Variants in CACNA2D1 observed in about 807,000 individuals in gnomAD.
The protein encoded by CACNA2D1 is calcium voltage-gated channel auxiliary subunit alpha2delta 1, also known as voltage-dependent calcium channel subunit alpha-2/delta-1.
Under a neutral mutation model 171.5 loss-of-function variants are expected in CACNA2D1, and 53 were observed. The ratio of observed to expected loss-of-function variants is 0.31; its 90% confidence interval spans 0.25 to 0.39. The LOEUF (loss-of-function observed/expected upper bound fraction) is 0.39, where lower values mean the gene tolerates loss of function less well. CACNA2D1 is among the 10% of genes least tolerant of loss of function. The pLI is 1.00. For missense variants in CACNA2D1, 903 were observed against 1,299.8 expected (o/e 0.69, Z 4.69); for synonymous variants, 442 against 443.1 (o/e 1.00, Z 0.03).
At chr7:82,197,252 T>C (rs2129198162) in intron 3 of CACNA2D1, among the ~76,000 whole-genome samples, 2 of 152,008 alleles carry the variant, frequency 1.3e-5, no homozygotes, top group African/African-American at 4.8e-5. Flanking sequence ...AAACCTAAGG[T>C]TTAAGGAAAA....
intron 3 of CACNA2D1, among the ~76,000 whole-genome samples, chr7:82,223,661 G>A (rs1802027712): frequency 6.6e-6 from 1 of 152,064 alleles, no homozygotes; most frequent in South Asian, 2.1e-4. Flanking sequence ...ATACTATCAG[G>A]CCTTTTGTGT....
chr7:82,285,530 C>T (rs1228679535), intron 3 of CACNA2D1, among the ~76,000 whole-genome samples: 5 of 151,988 alleles, frequency 3.3e-5, no homozygotes, highest in African/African-American at 1.2e-4. Context: ...AAATGCTGAG[C>T]AGGGGGTGAT....
intron 1 of CACNA2D1, among the ~76,000 whole-genome samples, chr7:82,442,084 T>C (rs755407752): frequency 2.6e-5 from 4 of 152,182 alleles, no homozygotes; most frequent in Non-Finnish European, 5.9e-5. Context: ...TTACTGTAAC[T>C]CAATGACAAC....
chr7:82,128,577 G>A (rs944554181), intron 5 of CACNA2D1, among the ~76,000 whole-genome samples: 3 of 152,066 alleles, frequency 2.0e-5, no homozygotes, highest in African/African-American at 7.2e-5. Context: ...TACCTTGGAG[G>A]CCATGCATCA....
rs71093357 is a variant in CACNA2D1, at chr7:82,055,930, G to GTGTATATATATA, written c.879+4497_879+4498insTATATATATACA. On this transcript the variant is annotated intron_variant, in intron 10 of 38. Coordinates refer to ENST00000356860, the MANE Select transcript of CACNA2D1 (RefSeq NM_000722.4). Reference sequence around the variant, plus strand: ...AAGTATAATAAATATGTGTGTGTGTGTATATATATATATATATAATTTTTT... The same window carrying GTGTATATATATA: ...AAGTATAATAAATATGTGTGTGTGTGTGTATATATATATATATATATATATATATAATTTTTT... 3.4e-3 allele frequency among the ~76,000 whole-genome samples: 378 copies of GTGTATATATATA among 111,440 alleles called. 4 individuals are homozygous for GTGTATATATATA. Among genetic ancestry groups the GTGTATATATATA allele is most frequent in the African/African-American group, 0.013 (364 of 28,058 alleles). The allele number at this position is 111,440 out of a possible 152,430, so 73.1% of individuals were successfully genotyped here. A position where few individuals can be genotyped will look rare whatever the true frequency, so the allele number is the denominator to read the frequency against.
chr7:82,274,551 C>A (rs1289647914), intron 3 of CACNA2D1, among the ~76,000 whole-genome samples: 1 of 152,136 alleles, frequency 6.6e-6, no homozygotes, highest in Non-Finnish European at 1.5e-5. Flanking sequence ...GTTATAGACA[C>A]CGCACACTCT....
chr7:82,085,864 T>C (rs796602063), intron 6 of CACNA2D1, among the ~76,000 whole-genome samples: 5 of 152,284 alleles, frequency 3.3e-5, no homozygotes, highest in African/African-American at 1.2e-4. Flanking sequence ...TAATATGGGT[T>C]AAGTGTAAGA....
intron 7 of CACNA2D1, among the ~76,000 whole-genome samples, chr7:82,077,879 G>T (rs538675581): frequency 6.6e-6 from 1 of 151,674 alleles, no homozygotes; most frequent in African/African-American, 2.4e-5. Context: ...AAAATAGATC[G>T]AACGCTTCAT....
At chr7:82,324,353 C>T (rs1357825243) in intron 3 of CACNA2D1, among the ~76,000 whole-genome samples, 2 of 77,382 alleles carry the variant, frequency 2.6e-5, no homozygotes, top group African/African-American at 5.0e-5. Context: ...AGCCAAACTC[C>T]AAAAAAAAAA....
intron 3 of CACNA2D1, among the ~76,000 whole-genome samples, chr7:82,244,244 AT>A (rs1290227484): frequency 6.6e-6 from 1 of 151,914 alleles, no homozygotes; most frequent in Non-Finnish European, 1.5e-5. Flanking sequence ...ATTTATTAGG[AT>A]TTTAATCAGC....
At chr7:82,041,252 A>G (rs1803931662) in intron 10 of CACNA2D1, among the ~76,000 whole-genome samples, 1 of 152,132 alleles carries the variant, frequency 6.6e-6, no homozygotes, top group Non-Finnish European at 1.5e-5. Flanking sequence ...GAAGAAAAAG[A>G]TGCAGGAAAT....
intron 5 of CACNA2D1, among the ~76,000 whole-genome samples, chr7:82,133,248 G>A (rs2129072904): frequency 6.6e-6 from 1 of 152,106 alleles, no homozygotes; most frequent in East Asian, 1.9e-4. Context: ...CCATTATTAT[G>A]AAATCCATAT....
At chr7:81,966,042 A>G (rs1794677911) in intron 31 of CACNA2D1, among the ~76,000 whole-genome samples, 1 of 151,780 alleles carries the variant, frequency 6.6e-6, no homozygotes, top group Non-Finnish European at 1.5e-5. Context: ...TGACAAAAAG[A>G]TATTTTAAAA....
chr7:82,136,787 C>T, intron 4 of CACNA2D1, 111 bp from the exon 5 acceptor site: 3 of 766,020 alleles, frequency 3.9e-6, no homozygotes, highest in Non-Finnish European at 6.4e-6. Flanking sequence ...CTTTCTTTCA[C>T]AATATATTCC....
chr7:82,353,544 G>A (rs1820085685), intron 1 of CACNA2D1, among the ~76,000 whole-genome samples: 3 of 152,042 alleles, frequency 2.0e-5, no homozygotes, highest in Non-Finnish European at 4.4e-5. Flanking sequence ...AGAGTGTACA[G>A]CGAAAGGAAG....
At position 81,951,065 on chromosome 7, in the gene CACNA2D1, T is replaced by C. The variant is rs541437195; in HGVS notation, c.3160-557A>G. 5.9e-5 allele frequency among the ~76,000 whole-genome samples: 9 copies of C among 152,166 alleles called. No individual in the cohort carries two copies. The South Asian group carries it at 1.9e-3, about 32-fold the overall frequency. On this transcript the variant is annotated intron_variant, in intron 38 of 38. Coordinates refer to ENST00000356860, the MANE Select transcript of CACNA2D1 (RefSeq NM_000722.4). Reference sequence around the variant, plus strand: ...TAATGTATTTGAACCATTGTTTATGTTGGTTCAAATACATTATTTGGACAC... The same window carrying C: ...TAATGTATTTGAACCATTGTTTATGCTGGTTCAAATACATTATTTGGACAC...
chr7:82,145,288 TAAAA>T (rs997737424), intron 4 of CACNA2D1, among the ~76,000 whole-genome samples: 1 of 144,650 alleles, frequency 6.9e-6, no homozygotes, highest in East Asian at 2.0e-4. Flanking sequence ...AAATAAAAAA[TAAAA>T]ATATATAAAT....
chr7:82,151,574 T>C (rs1184234001), intron 4 of CACNA2D1, among the ~76,000 whole-genome samples: 2 of 152,158 alleles, frequency 1.3e-5, no homozygotes, highest in African/African-American at 4.8e-5. Flanking sequence ...AAATAAGAAA[T>C]TGAGGTAAAA....
intron 3 of CACNA2D1, among the ~76,000 whole-genome samples, chr7:82,281,641 T>G (rs1176010832): frequency 6.6e-6 from 1 of 152,160 alleles, no homozygotes; most frequent in Non-Finnish European, 1.5e-5. Context: ...ATATTTCTAT[T>G]AAAAAATAGT....
Sources: gnomAD v4.1 joint callset for allele counts (sites outside exome capture counted in the v4.1 genomes callset) on GRCh38, gnomAD v4.1.1 for gene constraint, MANE v1.5 for transcripts, NCBI Gene and HGNC (gene_info 2026-07-23, HGNC 2026-07-21) for gene names.